Variants in EEA1 observed in about 807,000 individuals in gnomAD.
The protein encoded by EEA1 is early endosome antigen 1, 162kD.
Under a neutral mutation model 209.2 loss-of-function variants are expected in EEA1, and 111 were observed. The ratio of observed to expected loss-of-function variants is 0.53; its 90% CI spans 0.45 to 0.62. The LOEUF (loss-of-function observed/expected upper bound fraction) is 0.62. Among genes scored for constraint, EEA1 ranks in the 20% least tolerant of loss-of-function variants. EEA1 has a pLI of 0.00. For synonymous variants in EEA1, 536 were observed against 540.6 expected, an observed-to-expected ratio of 0.99 and a Z score of 0.12; for missense variants, 1,343 against 1,530.8, an observed-to-expected ratio of 0.88 and a Z score of 2.05.
intron 23 of EEA1, 103 bp downstream of exon 23, chr12:92,781,847 G>A: frequency 9.7e-7 from 1 of 1,031,728 alleles, no homozygotes; most frequent in Admixed American, 2.9e-5. Flanking sequence ...GAGAGCTGTT[G>A]AAAATAAGGA....
In EEA1 at chr12:92,802,744, T is replaced by TA. The variant is rs1874989373; in HGVS notation, c.2340-11dup. On this transcript the variant is annotated splice_polypyrimidine_tract_variant and intron_variant, in intron 18 of 28. Coordinates refer to ENST00000322349, the MANE Select transcript of EEA1 (RefSeq NM_003566.4). The stretch of plus-strand genomic sequence containing the variant: ...TCTTGTACTGGATACTCTAAATATT[T>TA]AAAAAACAATCTTTTTAAATAACAC... 21 of 1,514,666 alleles carry TA rather than the reference T, an allele frequency of 1.4e-5. No individual in the cohort carries two copies. The highest frequency in any genetic ancestry group is 1.9e-4 in the Middle Eastern group (1 of 5,196). The allele number at this position is 1,514,666 out of a possible 1,614,324, so 93.8% of individuals were successfully genotyped here.
rs758449293 is a variant in EEA1, at chr12:92,813,078, C to T, written c.1945G>A (p.Glu649Lys). 8.8e-6 allele frequency: 14 copies of T among 1,585,874 alleles called. No homozygotes were observed. The highest frequency in any genetic ancestry group is 2.3e-5 in the East Asian group (1 of 44,254). ...GCTGCTTCTGCTGATAGTAATAGTT[C>T]GGTTTTGGCTTTAATCTGTAACAGC... ...QLDIQIKAKTELLLSAEAAKT... is the reference protein window; with the variant it reads ...QLDIQIKAKTKLLLSAEAAKT... Residue 649 changes from glutamate (E) to lysine (K), a missense_variant, in exon 16 of 29, where the codon GAA becomes AAA. Glu to Lys is a moderately conservative substitution (Grantham distance 56, BLOSUM62 1). Around this residue, in one of 3 missense-constraint regions of EEA1, gnomAD observed 1,307 missense variants for 1,465.5 expected, o/e 0.89. Coordinates refer to ENST00000322349, the MANE Select transcript of EEA1 (RefSeq NM_003566.4).
chr12:92,886,881 C>T (rs1301733605), intron 2 of EEA1, among the ~76,000 whole-genome samples: 1 of 151,698 alleles, frequency 6.6e-6, no homozygotes, highest in Non-Finnish European at 1.5e-5. Flanking sequence ...GCCTGTAGTC[C>T]CAGCTACTCG....
chr12:92,796,830 A>G (rs780623687), intron 21 of EEA1, among the ~76,000 whole-genome samples: 1 of 152,202 alleles, frequency 6.6e-6, no homozygotes, highest in Non-Finnish European at 1.5e-5. Flanking sequence ...TGTATGAGTC[A>G]CAGTACTAGA....
In EEA1 at chr12:92,825,179, T is replaced by C. The variant is rs185775220; in HGVS notation, c.1524+987A>G. Among the ~76,000 whole-genome samples the C allele has an allele frequency of 9.2e-5, 14 of 152,206 alleles. No homozygotes were observed. The East Asian group carries it at 2.3e-3, about 25-fold the overall frequency. ...GCTCATGCCTGTAATCCCAGCACTTTGGGAGGATGAGGCAGGCGGAGCATG... is the reference window on the plus strand; with the variant it reads ...GCTCATGCCTGTAATCCCAGCACTTCGGGAGGATGAGGCAGGCGGAGCATG... On this transcript the variant is annotated intron_variant, in intron 13 of 28. Transcript: ENST00000322349.
intron 1 of EEA1, among the ~76,000 whole-genome samples, chr12:92,925,387 G>C (rs1881175183): frequency 6.6e-6 from 1 of 152,008 alleles, no homozygotes; most frequent in African/African-American, 2.4e-5. Flanking sequence ...GCTAATTTTT[G>C]TATTTTTTGG....
chr12:92,884,381 G>A (rs2136746793), intron 2 of EEA1: 1 of 1,231,104 alleles, frequency 8.1e-7, no homozygotes, highest in Non-Finnish European at 1.2e-6. Context: ...CTTTGGCGGT[G>A]GTCGTGGAGG....
Position 92,777,018 on chromosome 12 carries a change from C to T in EEA1, c.4015-76G>A, listed in dbSNP as rs574342572. 6 of 1,474,978 alleles carry T rather than the reference C, an allele frequency of 4.1e-6. No homozygotes were observed. The African/African-American group carries it at 7.0e-5, about 17-fold the overall frequency. 91.4% of individuals were successfully genotyped at this position (1,474,978 alleles called of 1,614,324 possible). A position where few individuals can be genotyped will look rare whatever the true frequency, so the allele number is the denominator to read the frequency against. On this transcript the variant is annotated intron_variant, in intron 27 of 28. Coordinates refer to ENST00000322349, the MANE Select transcript of EEA1 (RefSeq NM_003566.4). ...ATGCTAGATTATTTCTAACTTGCTG[C>T]CAGAGTTCTATAAAATTTTGACTAT...
At chr12:92,806,909 C>G (rs1461436264) in intron 18 of EEA1, among the ~76,000 whole-genome samples, 1 of 151,824 alleles carries the variant, frequency 6.6e-6, no homozygotes, top group South Asian at 2.1e-4. Context: ...TGATAAAATT[C>G]AATCCAAGCA....
intron 10 of EEA1, among the ~76,000 whole-genome samples, chr12:92,840,548 G>C (rs1261450608): frequency 6.6e-6 from 1 of 152,210 alleles, no homozygotes; most frequent in African/African-American, 2.4e-5. Flanking sequence ...CTGACCTCAG[G>C]TGATTTGCCC....
intron 18 of EEA1, among the ~76,000 whole-genome samples, chr12:92,805,289 A>G (rs1875146784): frequency 1.3e-5 from 2 of 152,104 alleles, no homozygotes; most frequent in Non-Finnish European, 2.9e-5. Flanking sequence ...CAATTCTATA[A>G]CCTCCGATTC....
At chr12:92,812,368 A>T (rs1011765739) in intron 16 of EEA1, among the ~76,000 whole-genome samples, 1 of 152,042 alleles carries the variant, frequency 6.6e-6, no homozygotes, top group Non-Finnish European at 1.5e-5. Flanking sequence ...TTACTCCCTG[A>T]ATAACAAGTA....
chr12:92,803,810 T>A (rs1183013636), intron 18 of EEA1, among the ~76,000 whole-genome samples: 4 of 152,154 alleles, frequency 2.6e-5, no homozygotes, highest in Admixed American at 2.0e-4. Flanking sequence ...ACTAATATTA[T>A]TTTACATTTT....
At chr12:92,780,664 A>G (rs1003971926) in intron 23 of EEA1, among the ~76,000 whole-genome samples, 1 of 152,198 alleles carries the variant, frequency 6.6e-6, no homozygotes, top group African/African-American at 2.4e-5. Flanking sequence ...CAGAGTAATG[A>G]TACTGCAAAA....
At chr12:92,808,137 TATG>T (rs1171901516) in intron 18 of EEA1, among the ~76,000 whole-genome samples, 2 of 152,190 alleles carry the variant, frequency 1.3e-5, no homozygotes, top group Non-Finnish European at 2.9e-5. Context: ...TATTAGATAC[TATG>T]ATATTAGGTA....
chr12:92,800,153 T>C (rs1013354329), intron 20 of EEA1, among the ~76,000 whole-genome samples: 1 of 151,142 alleles, frequency 6.6e-6, no homozygotes, highest in Non-Finnish European at 1.5e-5. Flanking sequence ...ACTTAGGAGG[T>C]GGAGGTTGCA....
chr12:92,865,054 T>C, intron 2 of EEA1, 67 bp from the exon 3 acceptor site: 2 of 1,273,010 alleles, frequency 1.6e-6, no homozygotes, highest in Non-Finnish European at 2.1e-6. Flanking sequence ...ATTTGCATAT[T>C]ATTAAATATC....
chr12:92,840,047 C>CA (rs1877099102), intron 10 of EEA1, among the ~76,000 whole-genome samples: 2 of 152,166 alleles, frequency 1.3e-5, no homozygotes, highest in African/African-American at 4.8e-5. Flanking sequence ...TACTTTCAAG[C>CA]TCATACACAT....
chr12:92,845,373 G>A lies in EEA1; in HGVS notation c.799-2792C>T, dbSNP rs535849969. Among the ~76,000 whole-genome samples the A allele has an allele frequency of 9.9e-5, 15 of 151,890 alleles. No homozygotes were observed. In the South Asian group the frequency reaches 3.1e-3, roughly 32 times the overall value. On this transcript the variant is annotated intron_variant, in intron 9 of 28. Transcript: ENST00000322349. The stretch of plus-strand genomic sequence containing the variant: ...TAATCACATATTATGTTTATATTTG[G>A]GGAAAAAATAAAGATTAAAGACAGA...
Sources: gnomAD v4.1 joint callset for allele counts (sites outside exome capture counted in the v4.1 genomes callset) on GRCh38, gnomAD v4.1.1 for gene constraint, gnomAD v4.1.1 regional missense constraint, MANE v1.5 for transcripts, NCBI Gene and HGNC (gene_info 2026-07-23, HGNC 2026-07-21) for gene names.